Variants in RNF180 observed in about 807,000 individuals in gnomAD.
RNF180 encodes E3 ubiquitin-protein ligase RNF180.
Under a neutral mutation model 59.2 loss-of-function variants are expected in RNF180, and 38 were observed. The ratio of observed to expected loss-of-function variants is 0.64; its 90% CI spans 0.50 to 0.84. The LOEUF (loss-of-function observed/expected upper bound fraction) is 0.84, where lower values mean the gene tolerates loss of function less well. Among genes scored for constraint, RNF180 ranks in the 40% least tolerant of loss-of-function variants. The pLI is 0.00. For synonymous variants in RNF180, 262 were observed against 240.3 expected, an observed-to-expected ratio of 1.09 and a Z score of -0.84; for missense variants, 705 against 700.9, an observed-to-expected ratio of 1.01 and a Z score of -0.07.
chr5:64,320,878 A>G (rs1439549761), intron 5 of RNF180, among the ~76,000 whole-genome samples: 1 of 152,108 alleles, frequency 6.6e-6, no homozygotes, highest in East Asian at 1.9e-4. Context: ...CTCTACTAAA[A>G]ATACAAAAAA....
chr5:64,238,361 G>A (rs941642936), intron 5 of RNF180, among the ~76,000 whole-genome samples: 31 of 152,118 alleles, frequency 2.0e-4, no homozygotes, highest in Admixed American at 3.9e-4. Context: ...ATACTCGAGT[G>A]GGATCACTGG....
intron 5 of RNF180, among the ~76,000 whole-genome samples, chr5:64,297,430 C>T (rs371451125): frequency 1.1e-4 from 17 of 151,774 alleles, no homozygotes; most frequent in East Asian, 9.7e-4. Flanking sequence ...AAATTTGGCT[C>T]GAGTTTCAAT....
intron 5 of RNF180, among the ~76,000 whole-genome samples, chr5:64,308,777 A>G (rs1443455044): frequency 6.6e-6 from 1 of 151,808 alleles, no homozygotes; most frequent in Non-Finnish European, 1.5e-5. Flanking sequence ...CTAAAGTCTT[A>G]GAGATAACGA....
rs76117470 is a variant in RNF180, at chr5:64,322,602, CGTGT to C, written c.1228-2551_1228-2548del. Among the ~76,000 whole-genome samples the C allele has an allele frequency of 8.4e-3, 1,204 of 143,492 alleles. 10 individuals are homozygous for C. Among genetic ancestry groups the C allele is most frequent in the African/African-American group, 0.02 (788 of 39,138 alleles). 94.1% of individuals were successfully genotyped at this position (143,492 alleles called of 152,430 possible). On this transcript the variant is annotated intron_variant, in intron 5 of 7. Transcript: ENST00000389100. ...ATATATATAACGGAATATATATATA[CGTGT>C]GTGTGTGTGTGTGTGTGTGTGTGTG...
intron 1 of RNF180, among the ~76,000 whole-genome samples, chr5:64,198,677 T>G (rs1261142828): frequency 6.6e-6 from 1 of 152,108 alleles, no homozygotes; most frequent in East Asian, 1.9e-4. Context: ...CTATCCTGGC[T>G]GAGGACCACT....
chr5:64,326,859 T>C (rs1398047686), intron 6 of RNF180, among the ~76,000 whole-genome samples: 1 of 152,192 alleles, frequency 6.6e-6, no homozygotes, highest in Admixed American at 6.5e-5. Flanking sequence ...CTTCAATTTT[T>C]TGGAATGGTT....
In RNF180 at chr5:64,330,313, A is replaced by G. The variant is rs1325463694; in HGVS notation, c.1486A>G (p.Lys496Glu). The change falls in exon 7 of 8, where the codon AAA becomes GAA. Residue 496 changes from lysine (K) to glutamate (E), a missense_variant. By Grantham distance (56) the Lys-to-Glu change is moderately conservative. Coordinates refer to ENST00000389100, the MANE Select transcript of RNF180 (RefSeq NM_001113561.2). Reference sequence around the variant, plus strand: ...CAATGCCACAAAAACTTTCTTTACTAAAGAATATTTGAAAATAAAACAAAG... The same window carrying G: ...CAATGCCACAAAAACTTTCTTTACTGAAGAATATTTGAAAATAAAACAAAG... ...LNNATKTFFT[K>E]EYLKIKQSFQ... The G allele has an allele frequency of 1.3e-6, 2 of 1,519,264 alleles. No individual in the cohort carries two copies. The highest frequency in any genetic ancestry group is 1.8e-6 in the Non-Finnish European group (2 of 1,122,196). 94.1% of individuals were successfully genotyped at this position (1,519,264 alleles called of 1,614,324 possible). A position where few individuals can be genotyped will look rare whatever the true frequency, so the allele number is the denominator to read the frequency against.
intron 5 of RNF180, among the ~76,000 whole-genome samples, chr5:64,288,364 G>T (rs1742398686): frequency 6.6e-6 from 1 of 152,086 alleles, no homozygotes; most frequent in Non-Finnish European, 1.5e-5. Flanking sequence ...TTTTGCTTAG[G>T]ATTGCCTTTG....
At chr5:64,326,415 A>C (rs773521445) in intron 6 of RNF180, among the ~76,000 whole-genome samples, 6 of 152,170 alleles carry the variant, frequency 3.9e-5, no homozygotes, top group Non-Finnish European at 7.4e-5. Context: ...ATAGTGACTC[A>C]CATATTGTAA....
chr5:64,289,277 G>C (rs181745574), intron 5 of RNF180, among the ~76,000 whole-genome samples: 7 of 152,128 alleles, frequency 4.6e-5, no homozygotes, highest in Non-Finnish European at 1.0e-4. Context: ...TTGATGTGCT[G>C]CTGGATTCTG....
intron 5 of RNF180, among the ~76,000 whole-genome samples, chr5:64,290,330 C>A (rs530789687): frequency 2.0e-5 from 3 of 152,008 alleles, no homozygotes; most frequent in Non-Finnish European, 2.9e-5. Context: ...TGCCATGTGG[C>A]GATGAGAATA....
rs185796351 is a variant in RNF180 at position 64,263,342 on chromosome 5, C to T, written c.1227+45946C>T. Among the ~76,000 whole-genome samples, 98 of 152,174 alleles carry T rather than the reference C, an allele frequency of 6.4e-4. 1 individual carries two copies. Among genetic ancestry groups the T allele is most frequent in the Non-Finnish European group, 1.1e-3 (75 of 68,008 alleles). On this transcript the variant is annotated intron_variant, in intron 5 of 7. Transcript: ENST00000389100. ...CCGGTCTCCATGGTGTAAATATTCT[C>T]GCCACACCTGAATTCATTAATATGA... is the stretch of plus-strand genomic sequence containing the variant.
intron 5 of RNF180, among the ~76,000 whole-genome samples, chr5:64,313,897 A>C (rs1428578675): frequency 6.6e-6 from 1 of 152,062 alleles, no homozygotes; most frequent in African/African-American, 2.4e-5. Context: ...GCATTTATCT[A>C]ATGATTAGTG....
intron 5 of RNF180, among the ~76,000 whole-genome samples, chr5:64,229,854 G>A (rs982070411): frequency 3.1e-4 from 47 of 152,188 alleles, no homozygotes; most frequent in Admixed American, 3.1e-3. Flanking sequence ...GTTACAGTGA[G>A]CCATTCATAT....
intron 1 of RNF180, among the ~76,000 whole-genome samples, chr5:64,167,510 C>G (rs567682360): frequency 6.6e-5 from 10 of 152,198 alleles, no homozygotes; most frequent in Middle Eastern, 3.4e-3. Context: ...AGATTTCTTT[C>G]TTGATAAAAT....
chr5:64,217,971 A>T (rs1752726982), intron 5 of RNF180, among the ~76,000 whole-genome samples: 1 of 152,046 alleles, frequency 6.6e-6, no homozygotes, highest in Non-Finnish European at 1.5e-5. Flanking sequence ...CTCACTTTTT[A>T]ATTGGGTTAT....
chr5:64,345,609 C>A (rs1745522339), intron 7 of RNF180, among the ~76,000 whole-genome samples: 1 of 152,158 alleles, frequency 6.6e-6, no homozygotes, highest in Non-Finnish European at 1.5e-5. Flanking sequence ...ATGTTCAGAT[C>A]TAAATGATTT....
intron 5 of RNF180, among the ~76,000 whole-genome samples, chr5:64,224,353 T>C (rs781216666): frequency 1.3e-5 from 2 of 152,178 alleles, no homozygotes; most frequent in Admixed American, 1.3e-4. Flanking sequence ...GATCCTATGC[T>C]GTCCAACACC....
At chr5:64,309,133 C>T (rs1743623931) in intron 5 of RNF180, among the ~76,000 whole-genome samples, 1 of 151,596 alleles carries the variant, frequency 6.6e-6, no homozygotes, top group Non-Finnish European at 1.5e-5. Flanking sequence ...TGTCATTTAA[C>T]AGTCATAGGA....
Sources: allele counts gnomAD v4.1 joint callset (sites outside exome capture counted in the v4.1 genomes callset), GRCh38; gene constraint gnomAD v4.1.1; transcripts MANE v1.5; gene names NCBI Gene and HGNC (gene_info 2026-07-23, HGNC 2026-07-21).